PHACTR1: variants seen among roughly 807,000 people sequenced by gnomAD.
PHACTR1 encodes the protein phosphatase and actin regulator 1.
PHACTR1 carries 16 observed loss-of-function variants against 69.2 expected under a neutral mutation model. The ratio of observed to expected loss-of-function variants is 0.23; its 90% CI spans 0.16 to 0.35. The LOEUF is 0.35. Among genes scored for constraint, PHACTR1 ranks in the 10% least tolerant of loss-of-function variants. PHACTR1 has a pLI of 1.00. For synonymous variants in PHACTR1, 312 were observed against 284.5 expected (o/e 1.10, Z -0.97); for missense variants, 510 against 734.7 (o/e 0.69, Z 3.54).
At chr6:13,017,762 A>G (rs969844400) in intron 4 of PHACTR1, among the ~76,000 whole-genome samples, 1 of 152,050 alleles carries the variant, frequency 6.6e-6, no homozygotes, top group East Asian at 1.9e-4. Flanking sequence ...ATAATTATGT[A>G]TTAAGATGTA....
At chr6:13,037,654 A>C (rs941024793) in intron 4 of PHACTR1, among the ~76,000 whole-genome samples, 26 of 152,308 alleles carry the variant, frequency 1.7e-4, no homozygotes, top group Admixed American at 1.7e-3. Context: ...TGTCCTTCTA[A>C]GCTGATGGGC....
intron 8 of PHACTR1, among the ~76,000 whole-genome samples, chr6:13,211,023 T>A (rs1766752713): frequency 6.6e-6 from 1 of 150,936 alleles, no homozygotes; most frequent in African/African-American, 2.4e-5. Context: ...TAGCCTTTAC[T>A]CTTGTTCTTA....
At chr6:13,256,839 A>T (rs960380423) in intron 10 of PHACTR1, among the ~76,000 whole-genome samples, 1 of 152,154 alleles carries the variant, frequency 6.6e-6, no homozygotes, top group Non-Finnish European at 1.5e-5. Context: ...AGTCTCTAGG[A>T]AGTTCCAAAT....
At chr6:13,132,368 G>T (rs1820597256) in intron 5 of PHACTR1, among the ~76,000 whole-genome samples, 1 of 152,068 alleles carries the variant, frequency 6.6e-6, no homozygotes, top group African/African-American at 2.4e-5. Context: ...CTCATCACAT[G>T]GCCCTCAGCT....
chr6:13,162,949 C>G (rs896514232), intron 6 of PHACTR1, among the ~76,000 whole-genome samples: 1 of 152,084 alleles, frequency 6.6e-6, no homozygotes, highest in Non-Finnish European at 1.5e-5. Flanking sequence ...GACCTGCACT[C>G]AGTAAGTGGC....
At chr6:12,792,617 G>A (rs923626551) in intron 4 of PHACTR1, among the ~76,000 whole-genome samples, 6 of 151,912 alleles carry the variant, frequency 3.9e-5, no homozygotes, top group Non-Finnish European at 7.4e-5. Flanking sequence ...CCAGGGTTGC[G>A]AAAATTTCAG....
At chr6:12,776,003 A>C (rs1358157468) in intron 4 of PHACTR1, among the ~76,000 whole-genome samples, 1 of 152,234 alleles carries the variant, frequency 6.6e-6, no homozygotes, top group African/African-American at 2.4e-5. Flanking sequence ...TCTTTGTTCT[A>C]AGAGATCTTC....
chr6:12,839,351 GCA>G (rs1778465580), intron 4 of PHACTR1, among the ~76,000 whole-genome samples: 2 of 152,176 alleles, frequency 1.3e-5, no homozygotes, highest in Non-Finnish European at 2.9e-5. Context: ...TGCCACCCAG[GCA>G]TCAAGCAAGC....
chr6:13,089,367 C>T (rs1812839778), intron 5 of PHACTR1, among the ~76,000 whole-genome samples: 1 of 152,062 alleles, frequency 6.6e-6, no homozygotes, highest in African/African-American at 2.4e-5. Context: ...ACTCCATTGG[C>T]CCAGACATCT....
chr6:12,961,054 G>A (rs185717628), intron 4 of PHACTR1, among the ~76,000 whole-genome samples: 2 of 152,226 alleles, frequency 1.3e-5, no homozygotes, highest in East Asian at 3.9e-4. Context: ...ACAAAGTTCA[G>A]GATCCACAGT....
At chr6:13,151,007 G>A (rs1440854526) in intron 5 of PHACTR1, among the ~76,000 whole-genome samples, 1 of 152,194 alleles carries the variant, frequency 6.6e-6, no homozygotes, top group Non-Finnish European at 1.5e-5. Flanking sequence ...GATGGGAAGT[G>A]GAGGCATGTT....
intron 4 of PHACTR1, among the ~76,000 whole-genome samples, chr6:12,865,976 G>A (rs1781413702): frequency 6.6e-6 from 1 of 151,956 alleles, no homozygotes; most frequent in African/African-American, 2.4e-5. Context: ...CCTAAGAAAG[G>A]CACCGCCTCC....
chr6:12,990,384 G>A (rs936140422), intron 4 of PHACTR1, among the ~76,000 whole-genome samples: 6 of 152,094 alleles, frequency 3.9e-5, no homozygotes, highest in African/African-American at 1.4e-4. Flanking sequence ...ACCTTTTCAT[G>A]GGCAGGAACT....
chr6:12,957,880 G>T, intron 4 of PHACTR1: 1 of 985,454 alleles, frequency 1.0e-6, no homozygotes, highest in Non-Finnish European at 1.2e-6. Context: ...GCCTGGCACC[G>T]AGAGGCTGCA....
At chr6:13,069,027 G>A (rs1809098729) in intron 5 of PHACTR1, among the ~76,000 whole-genome samples, 1 of 152,118 alleles carries the variant, frequency 6.6e-6, no homozygotes, top group African/African-American at 2.4e-5. Flanking sequence ...TGGTCACCCT[G>A]TACAAAACCA....
intron 4 of PHACTR1, among the ~76,000 whole-genome samples, chr6:12,898,440 C>G (rs1386227810): frequency 6.6e-6 from 1 of 152,208 alleles, no homozygotes; most frequent in Non-Finnish European, 1.5e-5. Flanking sequence ...CCTCAGCCCA[C>G]TTCTATAGTT....
At chr6:13,000,340 G>A (rs1015163150) in intron 4 of PHACTR1, among the ~76,000 whole-genome samples, 9 of 152,122 alleles carry the variant, frequency 5.9e-5, no homozygotes, top group Non-Finnish European at 4.4e-5. Context: ...TTGAGCCCAG[G>A]AGTTCAAGAC....
chr6:13,118,029 T>C (rs1439603770), intron 5 of PHACTR1, among the ~76,000 whole-genome samples: 1 of 152,252 alleles, frequency 6.6e-6, no homozygotes, highest in Non-Finnish European at 1.5e-5. Flanking sequence ...TAGTGCTCAA[T>C]GCTGGTCCTA....
chr6:13,215,572 G>A (rs143409308), intron 8 of PHACTR1, among the ~76,000 whole-genome samples: 16 of 152,208 alleles, frequency 1.1e-4, no homozygotes, highest in East Asian at 3.9e-4. Context: ...GATTGATGAC[G>A]TAACATTGTA....
Sources: allele counts gnomAD v4.1 joint callset (sites outside exome capture counted in the v4.1 genomes callset), GRCh38; gene constraint gnomAD v4.1.1; transcripts MANE v1.5; gene names NCBI Gene and HGNC (gene_info 2026-07-23, HGNC 2026-07-21).